GRID2: variants seen among roughly 807,000 people sequenced by gnomAD.
GRID2 encodes glutamate receptor ionotropic, delta-2.
A neutral mutation model predicts 114.8 loss-of-function variants in GRID2; 33 were observed. The observed-to-expected ratio is 0.29, with a 90% CI of 0.22 to 0.38. GRID2 has a LOEUF of 0.38. Among genes scored for constraint, GRID2 ranks in the 10% least tolerant of loss-of-function variants. The pLI, the probability that GRID2 is intolerant of heterozygous loss-of-function variation, is 1.00. For synonymous variants in GRID2, 505 were observed against 449.9 expected (o/e 1.12, Z -1.55); for missense variants, 1,184 against 1,257.7 (o/e 0.94, Z 0.89).
intron 2 of GRID2, among the ~76,000 whole-genome samples, chr4:92,898,128 C>G (rs1253735198): frequency 2.0e-5 from 3 of 152,112 alleles, no homozygotes; most frequent in Non-Finnish European, 4.4e-5. Flanking sequence ...TCTCACTGAT[C>G]ATTTTGTTGA....
intron 3 of GRID2, among the ~76,000 whole-genome samples, chr4:93,101,800 A>G (rs1216159427): frequency 6.6e-6 from 1 of 152,116 alleles, no homozygotes; most frequent in Non-Finnish European, 1.5e-5. Flanking sequence ...AAGTAACACA[A>G]TACAGATATC....
At chr4:92,830,386 T>C (rs915866264) in intron 2 of GRID2, among the ~76,000 whole-genome samples, 1 of 152,086 alleles carries the variant, frequency 6.6e-6, no homozygotes, top group Non-Finnish European at 1.5e-5. Context: ...AGCCTACGTT[T>C]TGTGGTGCAT....
chr4:92,375,656 C>T (rs1157129235), intron 1 of GRID2, among the ~76,000 whole-genome samples: 1 of 152,098 alleles, frequency 6.6e-6, no homozygotes, highest in Non-Finnish European at 1.5e-5. Flanking sequence ...CCTCATTTAG[C>T]TACATTGGAG....
chr4:93,629,464 C>G (rs866883068), intron 14 of GRID2, among the ~76,000 whole-genome samples: 2 of 152,228 alleles, frequency 1.3e-5, no homozygotes, highest in Middle Eastern at 3.4e-3. Flanking sequence ...AAACCTCTCG[C>G]TAAATTCAGA....
At chr4:93,539,817 G>T (rs964076037) in intron 13 of GRID2, among the ~76,000 whole-genome samples, 10 of 151,772 alleles carry the variant, frequency 6.6e-5, no homozygotes, top group African/African-American at 2.4e-4. Context: ...TTGTTTGTTT[G>T]TTTGTGTGCT....
chr4:93,537,785 C>A lies in GRID2; in HGVS notation c.2193+22374C>A, dbSNP rs1463513262. 2.6e-5 allele frequency among the ~76,000 whole-genome samples: 4 copies of A among 151,836 alleles called. No homozygotes were observed. The East Asian group carries it at 7.7e-4, about 29-fold the overall frequency. On this transcript the variant is annotated intron_variant, in intron 13 of 15. Transcript: ENST00000282020. ...ATTGACTAAGCAAAATGCAGAACAA[C>A]CCCATAAAATTATTTTTTAATTCTA... is the stretch of plus-strand genomic sequence containing the variant.
intron 1 of GRID2, among the ~76,000 whole-genome samples, chr4:92,314,389 A>G (rs75083756): frequency 0.014 from 2,189 of 152,278 alleles, 48 homozygotes; most frequent in African/African-American, 0.049. Context: ...TCTTGTTATA[A>G]TAGACAAATT....
At chr4:92,862,420 A>G (rs1744592067) in intron 2 of GRID2, among the ~76,000 whole-genome samples, 1 of 151,976 alleles carries the variant, frequency 6.6e-6, no homozygotes, top group South Asian at 2.1e-4. Flanking sequence ...TATTTTCTAC[A>G]AAGTGAAAAT....
At chr4:93,373,309 G>GT (rs919884953) in intron 8 of GRID2, among the ~76,000 whole-genome samples, 139 of 148,552 alleles carry the variant, frequency 9.4e-4, no homozygotes, top group Admixed American at 1.6e-3. Context: ...TGTTCTCTAA[G>GT]TTTTTTTTTT....
intron 13 of GRID2, among the ~76,000 whole-genome samples, chr4:93,608,124 G>GTA (rs1036990142): frequency 7.4e-5 from 11 of 148,136 alleles, no homozygotes; most frequent in African/African-American, 2.2e-4. Flanking sequence ...ACATATATGT[G>GTA]TATATATATA....
intron 13 of GRID2, among the ~76,000 whole-genome samples, chr4:93,590,713 T>C (rs1738171156): frequency 6.6e-6 from 1 of 152,246 alleles, no homozygotes; most frequent in African/African-American, 2.4e-5. Flanking sequence ...CATTTGTATG[T>C]ATCCTCTTTT....
chr4:92,956,562 T>C (rs1399728348), intron 2 of GRID2, among the ~76,000 whole-genome samples: 1 of 152,190 alleles, frequency 6.6e-6, no homozygotes, highest in African/African-American at 2.4e-5. Flanking sequence ...ATTTATCAAT[T>C]CTCCAACATC....
chr4:92,706,691 A>G (rs1460924750), intron 2 of GRID2, among the ~76,000 whole-genome samples: 3 of 152,210 alleles, frequency 2.0e-5, no homozygotes, highest in African/African-American at 7.2e-5. Context: ...CCTGTTTCAG[A>G]GCTCAATAGG....
At chr4:93,362,330 C>T (rs762676960) in intron 8 of GRID2, among the ~76,000 whole-genome samples, 5 of 151,780 alleles carry the variant, frequency 3.3e-5, no homozygotes, top group South Asian at 2.1e-4. Context: ...TGCCGGGGGA[C>T]GGGTTGTGGA....
chr4:92,976,385 T>C (rs1160586654), intron 2 of GRID2, among the ~76,000 whole-genome samples: 1 of 152,064 alleles, frequency 6.6e-6, no homozygotes, highest in Non-Finnish European at 1.5e-5. Flanking sequence ...TCATGAATAG[T>C]GAGATACAGA....
At chr4:93,372,450 C>T (rs558711556) in intron 8 of GRID2, among the ~76,000 whole-genome samples, 11 of 152,248 alleles carry the variant, frequency 7.2e-5, no homozygotes, top group Non-Finnish European at 1.5e-4. Flanking sequence ...TTGGTTTCTC[C>T]TTTCTTGTAT....
intron 1 of GRID2, among the ~76,000 whole-genome samples, chr4:92,444,052 T>A (rs1327044808): frequency 6.6e-6 from 1 of 152,184 alleles, no homozygotes; most frequent in East Asian, 1.9e-4. Flanking sequence ...AAGAGGCCGC[T>A]TAACTGATTT....
At chr4:92,739,069 T>C (rs569603154) in intron 2 of GRID2, among the ~76,000 whole-genome samples, 41 of 152,258 alleles carry the variant, frequency 2.7e-4, no homozygotes, top group African/African-American at 9.4e-4. Context: ...GAGTAGCAAA[T>C]ACTCACTCCT....
At chr4:92,558,552 C>T (rs765156833) in intron 1 of GRID2, among the ~76,000 whole-genome samples, 12 of 152,154 alleles carry the variant, frequency 7.9e-5, no homozygotes, top group Non-Finnish European at 1.6e-4. Flanking sequence ...ATCCTTTCTT[C>T]AAGTCCCTGC....
Sources: gnomAD v4.1 joint callset for allele counts (sites outside exome capture counted in the v4.1 genomes callset) on GRCh38, gnomAD v4.1.1 for gene constraint, MANE v1.5 for transcripts, NCBI Gene and HGNC (gene_info 2026-07-23, HGNC 2026-07-21) for gene names.